Variants in SLC24A3 observed in about 807,000 individuals in gnomAD.
SLC24A3 encodes sodium/potassium/calcium exchanger 3.
A neutral mutation model predicts 75.8 loss-of-function variants in SLC24A3; 28 were observed. That is an observed-to-expected ratio of 0.37 (90% CI 0.27 to 0.51). The LOEUF (loss-of-function observed/expected upper bound fraction) is 0.51. Among genes scored for constraint, SLC24A3 ranks in the 20% least tolerant of loss-of-function variants. SLC24A3 has a pLI of 0.94. For synonymous variants in SLC24A3, 372 were observed against 334.1 expected, an observed-to-expected ratio of 1.11 and a Z score of -1.24; for missense variants, 663 against 847.8, an observed-to-expected ratio of 0.78 and a Z score of 2.71.
intron 2 of SLC24A3, among the ~76,000 whole-genome samples, chr20:19,366,689 C>T (rs965000706): frequency 6.6e-6 from 1 of 151,996 alleles, no homozygotes; most frequent in Non-Finnish European, 1.5e-5. Context: ...TTGGTAAAAT[C>T]AAGTTTGCTT....
At chr20:19,355,168 A>G (rs993990148) in intron 2 of SLC24A3, 5 of 152,354 alleles carry the variant, frequency 3.3e-5, no homozygotes, top group African/African-American at 1.2e-4. Context: ...TCCACATGGC[A>G]TCAGAAGGGA....
intron 10 of SLC24A3, among the ~76,000 whole-genome samples, chr20:19,683,709 A>AATGG (rs2032640314): frequency 6.6e-6 from 1 of 152,182 alleles, no homozygotes; most frequent in Admixed American, 6.5e-5. Flanking sequence ...CCCAGATCTG[A>AATGG]ATGGTGGGAA....
chr20:19,618,391 C>A (rs976001724), intron 6 of SLC24A3, among the ~76,000 whole-genome samples: 10 of 152,200 alleles, frequency 6.6e-5, no homozygotes, highest in African/African-American at 2.4e-4. Flanking sequence ...GCCGTCTTCC[C>A]CCTCCCCATG....
chr20:19,469,285 G>A (rs894334142), intron 2 of SLC24A3, among the ~76,000 whole-genome samples: 1 of 152,140 alleles, frequency 6.6e-6, no homozygotes, highest in Non-Finnish European at 1.5e-5. Context: ...TCTGGGACTC[G>A]AACAAGGAGA....
intron 3 of SLC24A3, among the ~76,000 whole-genome samples, chr20:19,534,240 C>A (rs867454110): frequency 3.7e-4 from 56 of 152,318 alleles, no homozygotes; most frequent in African/African-American, 1.3e-3. Flanking sequence ...TTATTACAGC[C>A]CTTTCCAGGG....
At chr20:19,323,099 G>T (rs537025838) in intron 2 of SLC24A3, among the ~76,000 whole-genome samples, 2 of 150,900 alleles carry the variant, frequency 1.3e-5, no homozygotes, top group South Asian at 4.2e-4. Context: ...CCAGCTACTC[G>T]GGAGGCTGAG....
At chr20:19,334,899 C>T (rs1034379474) in intron 2 of SLC24A3, among the ~76,000 whole-genome samples, 1 of 152,176 alleles carries the variant, frequency 6.6e-6, no homozygotes, top group Non-Finnish European at 1.5e-5. Context: ...CAGCCAGAAA[C>T]TAAGCATACA....
At chr20:19,718,091 A>G (rs1289615038) in intron 16 of SLC24A3, among the ~76,000 whole-genome samples, 2 of 152,266 alleles carry the variant, frequency 1.3e-5, no homozygotes, top group African/African-American at 4.8e-5. Flanking sequence ...GCATGGACTC[A>G]TCCACATGAA....
intron 9 of SLC24A3, among the ~76,000 whole-genome samples, chr20:19,677,040 A>C (rs954986900): frequency 1.3e-5 from 2 of 152,236 alleles, no homozygotes; most frequent in Non-Finnish European, 2.9e-5. Flanking sequence ...TAAGCTGTCA[A>C]GCTAAGTTAA....
chr20:19,664,664 G>A (rs1172306960), intron 7 of SLC24A3, among the ~76,000 whole-genome samples: 1 of 152,190 alleles, frequency 6.6e-6, no homozygotes, highest in Non-Finnish European at 1.5e-5. Flanking sequence ...AGTTGTGATG[G>A]CAGTTGACAC....
At chr20:19,576,276 A>G (rs904945365) in intron 3 of SLC24A3, among the ~76,000 whole-genome samples, 4 of 152,226 alleles carry the variant, frequency 2.6e-5, no homozygotes, top group Non-Finnish European at 4.4e-5. Flanking sequence ...GCCTTACTCT[A>G]TTAAAACTAT....
chr20:19,237,763 C>T (rs985579780), intron 1 of SLC24A3, among the ~76,000 whole-genome samples: 10 of 152,310 alleles, frequency 6.6e-5, no homozygotes, highest in Admixed American at 3.9e-4. Flanking sequence ...ATGCAGCTCT[C>T]ATGAGGGGCT....
intron 3 of SLC24A3, among the ~76,000 whole-genome samples, chr20:19,528,970 T>C (rs1344061039): frequency 1.3e-5 from 2 of 152,144 alleles, no homozygotes; most frequent in African/African-American, 4.8e-5. Flanking sequence ...TACTCTCCTT[T>C]TTAGAGGATC....
intron 1 of SLC24A3, among the ~76,000 whole-genome samples, chr20:19,251,613 C>T (rs1249504869): frequency 6.6e-6 from 1 of 152,206 alleles, no homozygotes; most frequent in Admixed American, 6.5e-5. Flanking sequence ...GAACAGGCTT[C>T]AGAATTGTCC....
chr20:19,293,604 C>T (rs1346913585), intron 2 of SLC24A3, among the ~76,000 whole-genome samples: 2 of 145,320 alleles, frequency 1.4e-5, no homozygotes, highest in Admixed American at 7.1e-5. Flanking sequence ...TGCAGTGAGC[C>T]GAGATGGCAC....
intron 2 of SLC24A3, among the ~76,000 whole-genome samples, chr20:19,451,331 C>T (rs1987477184): frequency 6.6e-6 from 1 of 152,314 alleles, no homozygotes; most frequent in South Asian, 2.1e-4. Context: ...ACTATTCTCG[C>T]CTGAATCAAC....
At position 19,298,571 on chromosome 20, in the gene SLC24A3, G is replaced by C. The variant is rs913894360; in HGVS notation, c.271+17484G>C. On this transcript the variant is annotated intron_variant, in intron 2 of 16. Coordinates refer to ENST00000328041, the MANE Select transcript of SLC24A3 (RefSeq NM_020689.4). ...CCCAGGAAACAACAGTAGAGGATGG[G>C]GAAGTGAGACCAGGAAGGAAAGATG... is the stretch of plus-strand genomic sequence containing the variant. Among the ~76,000 whole-genome samples, 7 of 151,884 alleles carry C rather than the reference G, an allele frequency of 4.6e-5. No individual in the cohort carries two copies. In the South Asian group the frequency reaches 1.2e-3, roughly 27 times the overall value.
intron 2 of SLC24A3, among the ~76,000 whole-genome samples, chr20:19,336,903 T>A (rs1985149309): frequency 6.6e-6 from 1 of 152,102 alleles, no homozygotes; most frequent in East Asian, 1.9e-4. Context: ...ATGATGGAAA[T>A]TTTAAATCCC....
intron 2 of SLC24A3, among the ~76,000 whole-genome samples, chr20:19,423,551 C>A (rs1986951609): frequency 6.6e-6 from 1 of 152,130 alleles, no homozygotes; most frequent in South Asian, 2.1e-4. Context: ...TCTCTGCTCC[C>A]AGGGGTTCTG....
Sources: allele counts gnomAD v4.1 joint callset (sites outside exome capture counted in the v4.1 genomes callset), GRCh38; gene constraint gnomAD v4.1.1; transcripts MANE v1.5; gene names NCBI Gene and HGNC (gene_info 2026-07-23, HGNC 2026-07-21).